The following METTL15 variants were observed in gnomAD, a reference collection of about 807,000 sequenced individuals.
The protein encoded by METTL15 is 12S rRNA N(4)-cytidine methyltransferase METTL15.
A neutral mutation model predicts 38.3 loss-of-function variants in METTL15; 34 were observed. That is an observed-to-expected ratio of 0.89 (90% confidence interval 0.68 to 1.18). The LOEUF (loss-of-function observed/expected upper bound fraction) is 1.18. METTL15 is among the 50% of genes most tolerant of loss of function. The probability of loss-of-function intolerance (pLI) is 0.00; values close to 1 mark genes in which losing one functional copy is unlikely to be tolerated. For missense variants in METTL15, 438 were observed against 498.4 expected, an observed-to-expected ratio of 0.88 and a Z score of 1.15; for synonymous variants, 162 against 170.9, an observed-to-expected ratio of 0.95 and a Z score of 0.41.
intron 1 of METTL15, among the ~76,000 whole-genome samples, chr11:28,109,622 A>G (rs1051833094): frequency 6.6e-6 from 1 of 152,250 alleles, no homozygotes; most frequent in Non-Finnish European, 1.5e-5. Context: ...CATTAAGAGA[A>G]TATCTTAATC....
intron 4 of METTL15, among the ~76,000 whole-genome samples, chr11:28,256,217 A>C (rs942115033): frequency 6.6e-6 from 1 of 152,180 alleles, no homozygotes; most frequent in African/African-American, 2.4e-5. Context: ...TCACACAGTG[A>C]GTTTGAAAAT....
intron 6 of METTL15, among the ~76,000 whole-genome samples, chr11:28,426,902 T>C (rs1373647417): frequency 1.3e-5 from 2 of 152,166 alleles, no homozygotes; most frequent in African/African-American, 2.4e-5. Flanking sequence ...CAGTTCACTC[T>C]GATGATAGGT....
At chr11:28,182,128 G>T (rs1479467862) in intron 3 of METTL15, among the ~76,000 whole-genome samples, 1 of 151,924 alleles carries the variant, frequency 6.6e-6, no homozygotes, top group Non-Finnish European at 1.5e-5. Context: ...TTGTAAATTT[G>T]TTGAAGTTCT....
At chr11:28,274,327 C>A (rs907012822) in intron 4 of METTL15, among the ~76,000 whole-genome samples, 1 of 152,048 alleles carries the variant, frequency 6.6e-6, no homozygotes, top group African/African-American at 2.4e-5. Flanking sequence ...TAGCTATTTG[C>A]CATAATATTC....
chr11:28,294,375 A>C (rs1434983596), intron 5 of METTL15, among the ~76,000 whole-genome samples: 2 of 152,178 alleles, frequency 1.3e-5, no homozygotes. Flanking sequence ...CAATTCCTGA[A>C]AGGAGATGTA....
chr11:28,237,356 C>T (rs1404469239), intron 4 of METTL15, among the ~76,000 whole-genome samples: 1 of 152,162 alleles, frequency 6.6e-6, no homozygotes, highest in Non-Finnish European at 1.5e-5. Context: ...TTCATTTCAT[C>T]TTCCATCACT....
At chr11:28,220,040 G>T (rs939493253) in intron 4 of METTL15, among the ~76,000 whole-genome samples, 6 of 152,186 alleles carry the variant, frequency 3.9e-5, no homozygotes, top group African/African-American at 7.2e-5. Context: ...ATATTCTGTT[G>T]ATTTGGGGTA....
At chr11:28,325,446 G>T (rs985540556) in intron 6 of METTL15, among the ~76,000 whole-genome samples, 1 of 152,224 alleles carries the variant, frequency 6.6e-6, no homozygotes, top group Non-Finnish European at 1.5e-5. Context: ...TAAGTTTTGG[G>T]CACATAGGTT....
chr11:28,377,427 A>T (rs1331722130), intron 5 of METTL15, among the ~76,000 whole-genome samples: 1 of 151,858 alleles, frequency 6.6e-6, no homozygotes, highest in Non-Finnish European at 1.5e-5. Flanking sequence ...CATTGCTGAT[A>T]CCCTTTCTTC....
intron 3 of METTL15, among the ~76,000 whole-genome samples, chr11:28,114,148 C>T (rs1234315298): frequency 6.6e-6 from 1 of 152,178 alleles, no homozygotes; most frequent in Non-Finnish European, 1.5e-5. Context: ...ACATCCTTCC[C>T]CCAGCCCCTG....
chr11:28,484,922 ACTGTGC>A (rs2133476328), intron 6 of METTL15, among the ~76,000 whole-genome samples: 1 of 152,196 alleles, frequency 6.6e-6, no homozygotes, highest in South Asian at 2.1e-4. Flanking sequence ...TCAGCTTAGA[ACTGTGC>A]CTGCTCATGA....
intron 4 of METTL15, among the ~76,000 whole-genome samples, chr11:28,216,928 A>G (rs1436699184): frequency 2.0e-5 from 3 of 151,758 alleles, no homozygotes; most frequent in African/African-American, 4.8e-5. Context: ...TCCATGGTGT[A>G]TATGTGCCAC....
chr11:28,503,679 T>C (rs1215740669), intron 6 of METTL15, among the ~76,000 whole-genome samples: 1 of 151,666 alleles, frequency 6.6e-6, no homozygotes, highest in Non-Finnish European at 1.5e-5. Flanking sequence ...TAATCCCAGC[T>C]ACTCTGGGGG....
rs1297995228 is a variant in METTL15 at position 28,328,071 on chromosome 11, A to G, written c.779-2325A>G. ...TGTTTACTTCCTATTTTACATGAAAATATATGTTTGTTCATATTCTTAGAA... is the reference window on the plus strand; with the variant it reads ...TGTTTACTTCCTATTTTACATGAAAGTATATGTTTGTTCATATTCTTAGAA... On this transcript the variant is annotated intron_variant, in intron 6 of 6. Coordinates refer to ENST00000407364, the MANE Select transcript of METTL15 (RefSeq NM_001113528.2). 10 of 1,599,278 alleles carry G rather than the reference A, an allele frequency of 6.3e-6. No individual in the cohort carries two copies. The East Asian group carries it at 2.0e-4, about 33-fold the overall frequency.
intron 6 of METTL15, among the ~76,000 whole-genome samples, chr11:28,430,620 GC>G (rs1199868445): frequency 3.8e-5 from 2 of 52,386 alleles, no homozygotes; most frequent in African/African-American, 7.5e-5. Flanking sequence ...CCTCCGCCCG[GC>G]CAGCCACCCC....
chr11:28,123,076 T>C (rs1262720659), intron 3 of METTL15, among the ~76,000 whole-genome samples: 2 of 152,120 alleles, frequency 1.3e-5, no homozygotes, highest in Non-Finnish European at 2.9e-5. Context: ...ATTCTTCTGG[T>C]TCAGGAAATA....
At chr11:28,194,178 C>CTTTCTTTCTTTCTTTTTG (rs1373046857) in intron 3 of METTL15, among the ~76,000 whole-genome samples, 1 of 12,270 alleles carries the variant, frequency 8.1e-5, no homozygotes. Context: ...CTTTCTTTTT[C>CTTTCTTTCTTTCTTTTTG]TCTCTCTCTC....
chr11:28,309,451 T>G (rs1857196983), intron 6 of METTL15, among the ~76,000 whole-genome samples: 1 of 152,208 alleles, frequency 6.6e-6, no homozygotes, highest in African/African-American at 2.4e-5. Flanking sequence ...TCCTATTACC[T>G]TTCATCTTTA....
At chr11:28,360,419 G>A (rs900914503) in intron 4 of METTL15, among the ~76,000 whole-genome samples, 11 of 152,190 alleles carry the variant, frequency 7.2e-5, no homozygotes, top group African/African-American at 2.7e-4. Context: ...GAACTGAGAG[G>A]CAGCTCCTTA....
Sources: allele counts gnomAD v4.1 joint callset (sites outside exome capture counted in the v4.1 genomes callset), GRCh38; gene constraint gnomAD v4.1.1; transcripts MANE v1.5; gene names NCBI Gene and HGNC (gene_info 2026-07-23, HGNC 2026-07-21).